ADGRE1: variants seen among roughly 807,000 people sequenced by gnomAD.
The protein encoded by ADGRE1 is EGF-like module receptor 1.
A neutral mutation model predicts 102.7 loss-of-function variants in ADGRE1; 82 were observed. The ratio of observed to expected loss-of-function variants is 0.80; its 90% CI spans 0.67 to 0.96. The LOEUF (loss-of-function observed/expected upper bound fraction) is 0.96, where lower values mean the gene tolerates loss of function less well. Ranked by LOEUF, ADGRE1 falls within the 40% of genes least tolerant of loss-of-function variation. The pLI is 0.00. For synonymous variants in ADGRE1, 398 were observed against 399.6 expected, an observed-to-expected ratio of 1.00 and a Z score of 0.05; for missense variants, 1,032 against 1,085.3, an observed-to-expected ratio of 0.95 and a Z score of 0.69.
chr19:6,918,905 A>C (rs577375267), intron 12 of ADGRE1, among the ~76,000 whole-genome samples: 1 of 152,116 alleles, frequency 6.6e-6, no homozygotes, highest in Non-Finnish European at 1.5e-5. Context: ...TTTTATTGTT[A>C]GTATAGACAG....
rs1599708273 is a variant in ADGRE1 at position 6,891,475 on chromosome 19, A to G, written c.94+932A>G. ...TTCACATTTTTTTTTTTTTTTTGAG[A>G]TAGATTCTCGCTCTGTTGCCCAGGC... On this transcript the variant is annotated intron_variant, in intron 2 of 20. Transcript: ENST00000312053. 2.8e-5 allele frequency among the ~76,000 whole-genome samples: 4 copies of G among 144,118 alleles called. No individual in the cohort carries two copies. In the East Asian group the frequency reaches 6.0e-4, roughly 22 times the overall value. The allele number at this position is 144,118 out of a possible 152,430, so 94.5% of individuals were successfully genotyped here. A position where few individuals can be genotyped will look rare whatever the true frequency, so the allele number is the denominator to read the frequency against.
At chr19:6,900,348 G>T (rs1454719154) in intron 5 of ADGRE1, among the ~76,000 whole-genome samples, 3 of 152,034 alleles carry the variant, frequency 2.0e-5, no homozygotes, top group Admixed American at 6.6e-5. Flanking sequence ...AGCCAAGTGT[G>T]GTGGCATGTG....
chr19:6,921,422 A>C (rs949995273), intron 13 of ADGRE1, among the ~76,000 whole-genome samples: 1 of 152,188 alleles, frequency 6.6e-6, no homozygotes, highest in Non-Finnish European at 1.5e-5. Flanking sequence ...ACTCTGTCAC[A>C]CACACACACA....
chr19:6,910,945 C>A (rs1756036524), intron 10 of ADGRE1, among the ~76,000 whole-genome samples: 1 of 152,122 alleles, frequency 6.6e-6, no homozygotes, highest in African/African-American at 2.4e-5. Context: ...AACACAAATC[C>A]TACTAAGGAT....
chr19:6,911,247 T>C (rs907991337), intron 10 of ADGRE1, among the ~76,000 whole-genome samples: 26 of 152,144 alleles, frequency 1.7e-4, no homozygotes, highest in Non-Finnish European at 3.2e-4. Flanking sequence ...AAATCCTTTT[T>C]TTCCTTTTAT....
intron 5 of ADGRE1, 125 bp from the exon 6 acceptor site, chr19:6,901,750 A>G: frequency 1.0e-6 from 1 of 978,920 alleles, no homozygotes; most frequent in Admixed American, 2.1e-5. Flanking sequence ...AGGGGGGAAC[A>G]TGGATATTGG....
At chr19:6,913,598 T>C (rs1974276269) in intron 10 of ADGRE1, 55 bp from the exon 11 acceptor site, 3 of 1,474,960 alleles carry the variant, frequency 2.0e-6, no homozygotes, top group Non-Finnish European at 2.7e-6. Context: ...GGGACAGCTG[T>C]TATTTCATTA....
At chr19:6,904,746 T>G (rs1263699773) in intron 8 of ADGRE1, among the ~76,000 whole-genome samples, 6 of 152,084 alleles carry the variant, frequency 3.9e-5, no homozygotes, top group African/African-American at 1.4e-4. Flanking sequence ...GACCTCGTGA[T>G]CAGCCCGCCT....
rs375198678 is a variant in ADGRE1 at position 6,903,790 on chromosome 19, A to G, written c.662-20A>G. The stretch of plus-strand genomic sequence containing the variant: ...GGCTCATTGGCCAACTTGGCTCCAC[A>G]CCCATTCTGTACCCCACAGATATTG... On this transcript the variant is annotated intron_variant, in intron 6 of 20. Coordinates refer to ENST00000312053, the MANE Select transcript of ADGRE1 (RefSeq NM_001974.5). The G allele has an allele frequency of 9.8e-5, 158 of 1,612,972 alleles. No homozygotes were observed. Among genetic ancestry groups the G allele is most frequent in the Non-Finnish European group, 1.7e-5 (20 of 1,179,364 alleles).
intron 1 of ADGRE1, among the ~76,000 whole-genome samples, chr19:6,888,804 C>A (rs1037711383): frequency 6.6e-6 from 1 of 152,130 alleles, no homozygotes; most frequent in Non-Finnish European, 1.5e-5. Flanking sequence ...GACTGGCAGG[C>A]TACATTAGAA....
chr19:6,923,840 A>G (rs1326764324), intron 14 of ADGRE1, among the ~76,000 whole-genome samples: 2 of 101,842 alleles, frequency 2.0e-5, no homozygotes, highest in Admixed American at 9.5e-5. Context: ...CGCCCAGCCA[A>G]TGGTCAGTTT....
chr19:6,897,089 TTG>T, intron 3 of ADGRE1, 58 bp from the exon 4 acceptor site: 295 of 1,258,776 alleles, frequency 2.3e-4, no homozygotes, highest in South Asian at 1.3e-3. Flanking sequence ...TTTTTTTTTT[TTG>T]CAAAATACAG....
chr19:6,888,737 G>T (rs889113642), intron 1 of ADGRE1, among the ~76,000 whole-genome samples: 3 of 152,132 alleles, frequency 2.0e-5, no homozygotes, highest in African/African-American at 7.2e-5. Flanking sequence ...ATGAGTAGAA[G>T]AATTTTTGTT....
chr19:6,906,349 G>T (rs1053146688), intron 8 of ADGRE1, 84 bp from the exon 9 acceptor site: 6 of 1,226,494 alleles, frequency 4.9e-6, no homozygotes, highest in Non-Finnish European at 4.8e-6. Flanking sequence ...AGTCGGGCAC[G>T]GGAGGACATG....
intron 2 of ADGRE1, among the ~76,000 whole-genome samples, chr19:6,890,795 A>G (rs547075353): frequency 1.3e-5 from 2 of 152,318 alleles, no homozygotes; most frequent in Admixed American, 1.3e-4. Flanking sequence ...AATACAGATA[A>G]CAATAGGGAT....
chr19:6,933,785 G>A (rs1975265599), intron 17 of ADGRE1, among the ~76,000 whole-genome samples: 1 of 152,094 alleles, frequency 6.6e-6, no homozygotes, highest in Admixed American at 6.6e-5. Context: ...CGTGCACAAG[G>A]CAGCCCCCTT....
intron 10 of ADGRE1, among the ~76,000 whole-genome samples, chr19:6,908,979 C>A (rs1177294075): frequency 6.6e-6 from 1 of 151,828 alleles, no homozygotes; most frequent in Non-Finnish European, 1.5e-5. Context: ...ACTACAAATA[C>A]AGAACTTAGC....
rs914347622 is a variant in ADGRE1 at position 6,929,924 on chromosome 19, C to T, written c.2289+1713C>T. ...CCTCCCAAAGTGCTGGGATTTCAAGCGTGAGTCTCTGCGCCCAGCCAGAGC... is the reference window on the plus strand; with the variant it reads ...CCTCCCAAAGTGCTGGGATTTCAAGTGTGAGTCTCTGCGCCCAGCCAGAGC... On this transcript the variant is annotated intron_variant, in intron 17 of 20. Coordinates refer to ENST00000312053, the MANE Select transcript of ADGRE1 (RefSeq NM_001974.5). 5.3e-5 allele frequency among the ~76,000 whole-genome samples: 8 copies of T among 152,262 alleles called. No individual in the cohort carries two copies. The South Asian group carries it at 1.0e-3, about 20-fold the overall frequency.
intron 1 of ADGRE1, among the ~76,000 whole-genome samples, chr19:6,889,015 G>GTGATGA (rs772334544): frequency 6.6e-6 from 1 of 151,586 alleles, no homozygotes. Flanking sequence ...GATGGTGATG[G>GTGATGA]TGATGATGAT....
Sources: allele counts gnomAD v4.1 joint callset (sites outside exome capture counted in the v4.1 genomes callset), GRCh38; gene constraint gnomAD v4.1.1; transcripts MANE v1.5; gene names NCBI Gene and HGNC (gene_info 2026-07-23, HGNC 2026-07-21).